NCAPH: variants seen among roughly 807,000 people sequenced by gnomAD.
The protein encoded by NCAPH is non-SMC condensin I complex subunit H.
NCAPH carries 38 observed loss-of-function variants against 85.5 expected under a neutral mutation model. The ratio of observed to expected loss-of-function variants is 0.44; its 90% CI spans 0.34 to 0.58. NCAPH has a LOEUF of 0.58. NCAPH is among the 20% of genes least tolerant of loss of function. The pLI is 0.01. For synonymous variants in NCAPH, 301 were observed against 335.1 expected (o/e 0.90, Z 1.11); for missense variants, 789 against 916.6 (o/e 0.86, Z 1.80).
At chr2:96,350,791 A>T (rs2064430029) in intron 6 of NCAPH, among the ~76,000 whole-genome samples, 1 of 152,192 alleles carries the variant, frequency 6.6e-6, no homozygotes, top group East Asian at 1.9e-4. Flanking sequence ...GTCCTATCCA[A>T]GCCCCTCTCT....
At chr2:96,342,686 T>C in intron 3 of NCAPH, 70 bp from the exon 4 acceptor site, 2 of 1,268,540 alleles carry the variant, frequency 1.6e-6, no homozygotes, top group Non-Finnish European at 2.3e-6. Context: ...GCTTCCTCTG[T>C]TAAAAGCAGC....
In NCAPH at chr2:96,373,423, G is replaced by A. The variant is rs771609162; in HGVS notation, c.*72G>A. ...TTGCCGGGACATCCCCAGTCTCGGG[G>A]GAAGAAGATGCCATGGGCTTATACC... On this transcript the variant is annotated 3_prime_UTR_variant, in exon 18 of 18. Transcript: ENST00000240423. The A allele has an allele frequency of 7.0e-7, 1 of 1,434,928 alleles. No homozygotes were observed. The highest frequency in any genetic ancestry group is 9.8e-7 in the Non-Finnish European group (1 of 1,019,940). 88.9% of individuals were successfully genotyped at this position (1,434,928 alleles called of 1,614,324 possible).
intron 11 of NCAPH, 69 bp downstream of exon 11, chr2:96,360,318 C>T (rs557386916): frequency 9.0e-6 from 9 of 997,064 alleles, no homozygotes; most frequent in East Asian, 7.4e-5. Context: ...TTTAAAATTC[C>T]GTATAAATTT....
chr2:96,365,877 C>T lies in NCAPH; in HGVS notation c.1700C>T (p.Ala567Val). 6.2e-7 allele frequency: 1 copy of T among 1,614,192 alleles called. No individual in the cohort carries two copies. Among genetic ancestry groups the T allele is most frequent in the Non-Finnish European group, 8.5e-7 (1 of 1,180,020 alleles). Residue 567 changes from alanine (A) to valine (V), a missense_variant and splice_region_variant, in exon 14 of 18, where the codon GCT (alanine) becomes GTT (valine). Transcript: ENST00000240423. ...CTCGAAGAGCTGTTTCTTGCCCAGG[C>T]TGCTGACAGTGATGATGAAGATTTG... ...DTSNFCPGLQ[A>V]ADSDDEDLDD...
intron 3 of NCAPH, among the ~76,000 whole-genome samples, 161 bp downstream of exon 3, chr2:96,342,301 C>A (rs1174143784): frequency 2.6e-5 from 4 of 152,188 alleles, no homozygotes; most frequent in Non-Finnish European, 5.9e-5. Context: ...CCGTGGTGCA[C>A]CTCCTGAGAG....
At chr2:96,358,608 A>G (rs1311893198) in intron 9 of NCAPH, among the ~76,000 whole-genome samples, 1 of 152,054 alleles carries the variant, frequency 6.6e-6, no homozygotes, top group Non-Finnish European at 1.5e-5. Context: ...AGCTGGGACT[A>G]CAGGCGCCCG....
chr2:96,338,954 G>GCACC (rs2064253822), intron 1 of NCAPH, among the ~76,000 whole-genome samples: 1 of 152,132 alleles, frequency 6.6e-6, no homozygotes, highest in Non-Finnish European at 1.5e-5. Context: ...GGGACTACAG[G>GCACC]CACCCGCCAC....
chr2:96,361,627 G>T (rs868578330), intron 12 of NCAPH, among the ~76,000 whole-genome samples: 1 of 151,502 alleles, frequency 6.6e-6, no homozygotes. Context: ...GCAGTGGTTC[G>T]TGTAAACCAT....
At chr2:96,336,910 A>G (rs2064222027) in intron 1 of NCAPH, among the ~76,000 whole-genome samples, 1 of 152,220 alleles carries the variant, frequency 6.6e-6, no homozygotes, top group East Asian at 1.9e-4. Context: ...AGAAGCCAAG[A>G]GTGTTTCAAC....
intron 14 of NCAPH, among the ~76,000 whole-genome samples, chr2:96,366,453 G>T (rs774058823): frequency 3.9e-5 from 6 of 152,228 alleles, no homozygotes; most frequent in Non-Finnish European, 8.8e-5. Context: ...ATACCAGGTG[G>T]CAGGCTTTAT....
intron 6 of NCAPH, among the ~76,000 whole-genome samples, chr2:96,345,694 G>A (rs958124866): frequency 2.6e-5 from 4 of 152,322 alleles, no homozygotes; most frequent in South Asian, 2.1e-4. Flanking sequence ...CTGGGACATG[G>A]TGAAGTGTCA....
intron 1 of NCAPH, 154 bp from the exon 2 acceptor site, chr2:96,341,488 C>T: frequency 1.9e-6 from 2 of 1,060,470 alleles, no homozygotes; most frequent in Non-Finnish European, 2.7e-6. Flanking sequence ...CCAAGAAACC[C>T]AAACTCTAGA....
intron 15 of NCAPH, 71 bp from the exon 16 acceptor site, chr2:96,368,901 A>G: frequency 2.8e-6 from 4 of 1,406,010 alleles, no homozygotes; most frequent in East Asian, 5.0e-5. Flanking sequence ...TGGTGACACA[A>G]CTTTATTTTT....
chr2:96,360,816 T>C, intron 12 of NCAPH, 106 bp downstream of exon 12: 4 of 1,408,746 alleles, frequency 2.8e-6, no homozygotes, highest in Non-Finnish European at 3.9e-6. Flanking sequence ...AGGAGTGGTA[T>C]GTGTTAGCCA....
intron 8 of NCAPH, 50 bp from the exon 9 acceptor site, chr2:96,354,133 T>C: frequency 6.4e-7 from 1 of 1,554,768 alleles, no homozygotes; most frequent in Non-Finnish European, 8.8e-7. Flanking sequence ...AGTGGTGATT[T>C]GGGGTGGTTA....
intron 2 of NCAPH, 52 bp from the exon 3 acceptor site, chr2:96,341,998 T>G: frequency 6.2e-7 from 1 of 1,605,516 alleles, no homozygotes; most frequent in South Asian, 1.1e-5. Flanking sequence ...TTTTGAAAAT[T>G]TAAACTATCA....
At chr2:96,345,405 C>T (rs2064349493) in intron 6 of NCAPH, among the ~76,000 whole-genome samples, 2 of 152,212 alleles carry the variant, frequency 1.3e-5, no homozygotes, top group African/African-American at 4.8e-5. Flanking sequence ...CTCAATAAGG[C>T]TGGTTCTGTG....
At chr2:96,355,422 C>A (rs992560582) in intron 9 of NCAPH, among the ~76,000 whole-genome samples, 5 of 152,062 alleles carry the variant, frequency 3.3e-5, no homozygotes, top group Non-Finnish European at 7.4e-5. Context: ...TAATTTCCCG[C>A]TATGACAAAA....
intron 3 of NCAPH, 91 bp downstream of exon 3, chr2:96,342,231 A>G (rs2064305881): frequency 1.7e-6 from 2 of 1,163,858 alleles, no homozygotes; most frequent in Non-Finnish European, 2.6e-6. Flanking sequence ...TGCACAATCA[A>G]TGATGATAAT....
Sources: allele counts gnomAD v4.1 joint callset (sites outside exome capture counted in the v4.1 genomes callset), GRCh38; gene constraint gnomAD v4.1.1; transcripts MANE v1.5; gene names NCBI Gene and HGNC (gene_info 2026-07-23, HGNC 2026-07-21).